The following TGFA variants were observed in gnomAD, a reference collection of about 807,000 sequenced individuals.
The protein encoded by TGFA is transforming growth factor alpha, also known as protransforming growth factor alpha.
Under a neutral mutation model 21.7 loss-of-function variants are expected in TGFA, and 12 were observed. The ratio of observed to expected loss-of-function variants is 0.55; its 90% CI spans 0.35 to 0.90. The LOEUF is 0.90. Among genes scored for constraint, TGFA ranks in the 40% least tolerant of loss-of-function variants. The pLI is 0.01. For synonymous variants in TGFA, 79 were observed against 88.1 expected, an observed-to-expected ratio of 0.90 and a Z score of 0.58; for missense variants, 178 against 210.8, an observed-to-expected ratio of 0.84 and a Z score of 0.96.
chr2:70,450,678 ACC>A lies in TGFA; in HGVS notation c.*179_*180del. Reference sequence around the variant, plus strand: ...TTTCTTCTCTAGGTCACACTGAATAACCCCAAGCAGACGGAGTTCTTGACAGA... The same window carrying A: ...TTTCTTCTCTAGGTCACACTGAATAACCAAGCAGACGGAGTTCTTGACAGA... On this transcript the variant is annotated 3_prime_UTR_variant, in exon 6 of 6. Coordinates refer to ENST00000295400, the MANE Select transcript of TGFA (RefSeq NM_003236.4). The A allele has an allele frequency of 1.5e-6, 1 of 647,858 alleles. No homozygotes were observed. The highest frequency in any genetic ancestry group is 2.0e-5 in the South Asian group (1 of 50,312). The allele number at this position is 647,858 out of a possible 1,614,324, so 40.1% of individuals were successfully genotyped here.
intron 2 of TGFA, among the ~76,000 whole-genome samples, chr2:70,483,478 A>C (rs1261143591): frequency 6.6e-6 from 1 of 152,130 alleles, no homozygotes; most frequent in Non-Finnish European, 1.5e-5. Context: ...GTGATGAGTA[A>C]ACTCATCTGT....
At chr2:70,504,469 C>CATACATATATATATATATAT (rs1553499794) in intron 2 of TGFA, among the ~76,000 whole-genome samples, 1 of 80,628 alleles carries the variant, frequency 1.2e-5, no homozygotes, top group Non-Finnish European at 2.6e-5. Context: ...TATATACACA[C>CATACATATATATATATATAT]ATACATACAT....
intron 2 of TGFA, among the ~76,000 whole-genome samples, chr2:70,485,166 C>A (rs1553496408): frequency 6.6e-6 from 1 of 152,118 alleles, no homozygotes; most frequent in African/African-American, 2.4e-5. Flanking sequence ...ATACTGTGTT[C>A]TGTAGCCTTA....
rs1672738538 is a variant in TGFA, at chr2:70,529,281, G to T, written c.41-14369C>A. 2.0e-5 allele frequency among the ~76,000 whole-genome samples: 3 copies of T among 152,270 alleles called. No homozygotes were observed. The East Asian group carries it at 5.8e-4, about 29-fold the overall frequency. ...GCAGTTCCGCAGAGACATCCAGGGG[G>T]CATGAACTACAGAAGACAACACTTG... On this transcript the variant is annotated intron_variant, in intron 1 of 5. Coordinates refer to ENST00000295400, the MANE Select transcript of TGFA (RefSeq NM_003236.4).
intron 1 of TGFA, among the ~76,000 whole-genome samples, chr2:70,534,576 T>C (rs1376081786): frequency 2.6e-5 from 4 of 152,220 alleles, no homozygotes; most frequent in African/African-American, 4.8e-5. Flanking sequence ...CCCCCACCAA[T>C]GAATTTATTA....
intron 1 of TGFA, among the ~76,000 whole-genome samples, chr2:70,515,748 C>T (rs1272516961): frequency 5.3e-5 from 8 of 152,112 alleles, no homozygotes; most frequent in African/African-American, 1.7e-4. Context: ...TGTACTTAAC[C>T]CCAGGCCCTG....
At chr2:70,507,382 G>T (rs949894972) in intron 2 of TGFA, among the ~76,000 whole-genome samples, 1 of 152,180 alleles carries the variant, frequency 6.6e-6, no homozygotes, top group Non-Finnish European at 1.5e-5. Flanking sequence ...TTGCATCTGT[G>T]TATATAGTTT....
chr2:70,471,405 G>A (rs986978439), intron 2 of TGFA, among the ~76,000 whole-genome samples: 5 of 151,762 alleles, frequency 3.3e-5, no homozygotes, highest in Admixed American at 1.3e-4. Flanking sequence ...CCCTTAGGAT[G>A]AGCCAGCTCC....
chr2:70,529,387 T>C (rs140209648), intron 1 of TGFA, among the ~76,000 whole-genome samples: 2 of 152,348 alleles, frequency 1.3e-5, no homozygotes, highest in South Asian at 2.1e-4. Flanking sequence ...GGAGACACTG[T>C]TCCAACCTTT....
At chr2:70,466,644 G>A (rs1553492313) in intron 2 of TGFA, among the ~76,000 whole-genome samples, 1 of 152,164 alleles carries the variant, frequency 6.6e-6, no homozygotes, top group Non-Finnish European at 1.5e-5. Flanking sequence ...GATTAGGAGT[G>A]ATAAGGCTAT....
intron 1 of TGFA, among the ~76,000 whole-genome samples, chr2:70,544,946 TTTG>T (rs1194626009): frequency 1.3e-5 from 2 of 152,114 alleles, no homozygotes; most frequent in Admixed American, 1.3e-4. Flanking sequence ...AGATCTAGTA[TTTG>T]ATAGCAGAAC....
At chr2:70,457,400 C>T (rs1309982674) in intron 3 of TGFA, among the ~76,000 whole-genome samples, 1 of 152,172 alleles carries the variant, frequency 6.6e-6, no homozygotes, top group Non-Finnish European at 1.5e-5. Context: ...AGCCACTAAT[C>T]CCCCAAGCAT....
chr2:70,503,678 T>C (rs1553499576), intron 2 of TGFA, among the ~76,000 whole-genome samples: 1 of 152,104 alleles, frequency 6.6e-6, no homozygotes, highest in Non-Finnish European at 1.5e-5. Flanking sequence ...TTAACCACCG[T>C]GCTATCAAAT....
chr2:70,531,379 A>G (rs1672809856), intron 1 of TGFA, among the ~76,000 whole-genome samples: 1 of 152,210 alleles, frequency 6.6e-6, no homozygotes, highest in South Asian at 2.1e-4. Flanking sequence ...GTGATTCTCC[A>G]TGGCTATGGT....
intron 2 of TGFA, among the ~76,000 whole-genome samples, chr2:70,501,792 G>A (rs2103814838): frequency 6.6e-6 from 1 of 152,300 alleles, no homozygotes; most frequent in South Asian, 2.1e-4. Context: ...AGGGAAATTA[G>A]GCGCTAACTT....
At chr2:70,454,369 GA>G (rs1201155124) in intron 4 of TGFA, among the ~76,000 whole-genome samples, 2 of 152,268 alleles carry the variant, frequency 1.3e-5, no homozygotes, top group Non-Finnish European at 2.9e-5. Flanking sequence ...AGGAGGCTCT[GA>G]GACCTTCCTG....
At chr2:70,526,570 C>T (rs1672642272) in intron 1 of TGFA, among the ~76,000 whole-genome samples, 1 of 152,182 alleles carries the variant, frequency 6.6e-6, no homozygotes, top group Admixed American at 6.5e-5. Context: ...ATGCCAACCC[C>T]AGAGCTGTGG....
chr2:70,504,471 TACATACATACATACAC>T (rs1671853125), intron 2 of TGFA, among the ~76,000 whole-genome samples: 1 of 87,178 alleles, frequency 1.1e-5, no homozygotes, highest in African/African-American at 4.4e-5. Context: ...TATACACACA[TACATACATACATACAC>T]ACACACACAC....
intron 2 of TGFA, among the ~76,000 whole-genome samples, chr2:70,478,135 C>T (rs1353807237): frequency 6.6e-6 from 1 of 152,142 alleles, no homozygotes; most frequent in Non-Finnish European, 1.5e-5. Flanking sequence ...GGGATCAGGT[C>T]GACCTTCACA....
Sources: gnomAD v4.1 joint callset for allele counts (sites outside exome capture counted in the v4.1 genomes callset) on GRCh38, gnomAD v4.1.1 for gene constraint, MANE v1.5 for transcripts, NCBI Gene and HGNC (gene_info 2026-07-23, HGNC 2026-07-21) for gene names.